The following GYPB variants were observed in gnomAD, a reference collection of about 807,000 sequenced individuals.
GYPB encodes the protein glycophorin-B.
GYPB carries 13 observed loss-of-function variants against 15.3 expected under a neutral mutation model. The ratio of observed to expected loss-of-function variants is 0.85; its 90% CI spans 0.55 to 1.35. GYPB has a LOEUF of 1.35. Ranked by LOEUF, GYPB falls within the 40% of genes most tolerant of loss-of-function variation. GYPB has a pLI of 0.00. For missense variants in GYPB, 131 were observed against 108.3 expected (o/e 1.21, Z -0.93); for synonymous variants, 38 against 36.9 (o/e 1.03, Z -0.11).
intron 1 of GYPB, among the ~76,000 whole-genome samples, chr4:144,006,689 C>G (rs1177405620): frequency 6.6e-6 from 1 of 151,956 alleles, no homozygotes; most frequent in Non-Finnish European, 1.5e-5. Context: ...CATAAGCAAA[C>G]TCTTACAAGG....
intron 1 of GYPB, among the ~76,000 whole-genome samples, chr4:144,009,991 G>A (rs1307091037): frequency 4.0e-5 from 6 of 151,230 alleles, no homozygotes; most frequent in Admixed American, 6.6e-5. Context: ...GGGGCCAGCC[G>A]TTCACAGGCT....
chr4:144,013,268 A>T (rs1419286063), intron 1 of GYPB, among the ~76,000 whole-genome samples: 2 of 150,972 alleles, frequency 1.3e-5, no homozygotes, highest in South Asian at 4.2e-4. Flanking sequence ...GTCAGGAAAC[A>T]ACAGGTGCTG....
At chr4:144,002,688 A>G in intron 1 of GYPB, 1 of 1,286,720 alleles carries the variant, frequency 7.8e-7, no homozygotes, top group Non-Finnish European at 1.0e-6. Flanking sequence ...TGAATGCTCA[A>G]AGTTTCCTGG....
downstream of GYPB, among the ~76,000 whole-genome samples, chr4:143,995,597 G>A (rs1371604857): frequency 6.6e-6 from 1 of 151,144 alleles, no homozygotes; most frequent in Non-Finnish European, 1.5e-5. Context: ...GCTGTGTTCT[G>A]GAGGTGATGA....
chr4:144,017,665 C>T (rs1490932576), intron 1 of GYPB, among the ~76,000 whole-genome samples: 1 of 151,256 alleles, frequency 6.6e-6, no homozygotes, highest in African/African-American at 2.5e-5. Context: ...ATTTGGGGCA[C>T]TTGTAAGTCA....
chr4:144,000,277 G>T lies in GYPB; in HGVS notation c.137-828C>A, dbSNP rs1727555343. 1.9e-5 allele frequency: 4 copies of T among 215,580 alleles called. No homozygotes were observed. The South Asian group carries it at 2.9e-4, about 16-fold the overall frequency. 13.4% of individuals were successfully genotyped at this position (215,580 alleles called of 1,614,324 possible). ...ATGGGCTTTGGAGTAAAAGAGTTGGGTTTTCTGTCACGAAAGTTTGAGAAC... is the reference window on the plus strand; with the variant it reads ...ATGGGCTTTGGAGTAAAAGAGTTGGTTTTTCTGTCACGAAAGTTTGAGAAC... On this transcript the variant is annotated intron_variant, in intron 2 of 4. Coordinates refer to ENST00000502664, the MANE Select transcript of GYPB (RefSeq NM_002100.6).
chr4:144,001,301 T>C lies in GYPB; in HGVS notation c.38-18A>G. On this transcript the variant is annotated intron_variant, in intron 1 of 4. Transcript: ENST00000502664. ...CACAATTTCTGTATAAAATAGAAGT[T>C]GAGAAAGGGATTAAGAACGAGGTGA... is the stretch of plus-strand genomic sequence containing the variant. 6.2e-7 allele frequency: 1 copy of C among 1,612,726 alleles called. No homozygotes were observed. Among genetic ancestry groups the C allele is most frequent in the South Asian group, 1.1e-5 (1 of 91,066 alleles).
At chr4:144,012,925 C>T (rs1237445209) in intron 1 of GYPB, among the ~76,000 whole-genome samples, 5 of 151,294 alleles carry the variant, frequency 3.3e-5, no homozygotes, top group Non-Finnish European at 7.4e-5. Context: ...ATATCAAAAG[C>T]GTAAGCAACA....
rs374342942 is a variant in GYPB, at chr4:144,001,968, CAAAAAAAAAA to C, written c.38-695_38-686del. On this transcript the variant is annotated intron_variant, in intron 1 of 4. Transcript: ENST00000502664. ...TGGGCGACAGAACGAGATTCCGTTT[CAAAAAAAAAA>C]AAAAAAAAAAACCACACACGCAAAC... Among the ~76,000 whole-genome samples the C allele has an allele frequency of 3.1e-5, 3 of 96,284 alleles. No individual in the cohort carries two copies. The Admixed American group carries it at 3.9e-4, about 13-fold the overall frequency. 63.2% of individuals were successfully genotyped at this position (96,284 alleles called of 152,430 possible).
chr4:144,001,388 A>G, intron 1 of GYPB, 105 bp from the exon 2 acceptor site: 1 of 1,585,642 alleles, frequency 6.3e-7, no homozygotes, highest in Non-Finnish European at 8.6e-7. Flanking sequence ...CCAGTCCCTG[A>G]GCTAAGCGCT....
intron 1 of GYPB, among the ~76,000 whole-genome samples, chr4:144,016,639 A>G (rs145819166): frequency 0.014 from 2,094 of 151,402 alleles, 149 homozygotes; most frequent in African/African-American, 0.047. Context: ...TGCAAATTTT[A>G]TATGAATTTT....
chr4:144,003,132 A>C (rs1727711606), intron 1 of GYPB, among the ~76,000 whole-genome samples: 3 of 151,524 alleles, frequency 2.0e-5, no homozygotes, highest in African/African-American at 2.5e-5. Context: ...TGAGTCAATT[A>C]AAGTATGTAA....
At chr4:144,016,790 A>C (rs1231466977) in intron 1 of GYPB, 3 of 424,032 alleles carry the variant, frequency 7.1e-6, no homozygotes, top group Non-Finnish European at 1.4e-5. Context: ...TTCCTTGAAA[A>C]CACTAACTTA....
At chr4:144,005,669 C>T (rs1727876366) in intron 1 of GYPB, among the ~76,000 whole-genome samples, 1 of 151,736 alleles carries the variant, frequency 6.6e-6, no homozygotes, top group African/African-American at 2.4e-5. Flanking sequence ...TCACTTCTCT[C>T]TCCAAGTGAA....
chr4:144,015,287 G>C (rs199842328), intron 1 of GYPB, among the ~76,000 whole-genome samples: 6 of 151,254 alleles, frequency 4.0e-5, no homozygotes, highest in East Asian at 1.9e-4. Context: ...TTTTTTTCAA[G>C]ATTTTTGCTT....
At position 144,001,259 on chromosome 4, in the gene GYPB, C is replaced by T. The variant is rs574233581; in HGVS notation, c.62G>A (p.Ser21Asn). Residue 21 changes from serine (S) to asparagine (N), a missense_variant, in exon 2 of 5, where the codon AGT (serine) becomes AAT (asparagine). Transcript: ENST00000502664. ...LSEIVSISALSTTEVAMHTST... is the reference protein window; with the variant it reads ...LSEIVSISALNTTEVAMHTST... ...AGTGTGCATTGCCACCTCAGTGGTA[C>T]TTAATGCTGATATGCTCACAATTTC... 1.2e-6 allele frequency: 2 copies of T among 1,612,916 alleles called. No homozygotes were observed. The highest frequency in any genetic ancestry group is 1.1e-5 in the South Asian group (1 of 91,068).
At chr4:144,000,378 C>G (rs1302412824) in intron 2 of GYPB, 1 of 880,392 alleles carries the variant, frequency 1.1e-6, no homozygotes, top group East Asian at 7.2e-5. Context: ...AAACTAAGAA[C>G]ATAACGTTTT....
At chr4:144,019,161 A>C in intron 1 of GYPB, 90 bp downstream of exon 1, 2 of 1,591,816 alleles carry the variant, frequency 1.3e-6, no homozygotes, top group Non-Finnish European at 1.7e-6. Flanking sequence ...ATTGATTTAA[A>C]TAAGATAGAA....
At chr4:144,018,441 A>T (rs541700776) in intron 1 of GYPB, among the ~76,000 whole-genome samples, 5 of 151,256 alleles carry the variant, frequency 3.3e-5, no homozygotes, top group African/African-American at 4.9e-5. Context: ...GGTTACAGCA[A>T]TGTCTAATAG....
Sources: gnomAD v4.1 joint callset for allele counts (sites outside exome capture counted in the v4.1 genomes callset) on GRCh38, gnomAD v4.1.1 for gene constraint, MANE v1.5 for transcripts, NCBI Gene and HGNC (gene_info 2026-07-23, HGNC 2026-07-21) for gene names.